INPP4B: variants seen among roughly 807,000 people sequenced by gnomAD.
INPP4B encodes inositol polyphosphate-4-phosphatase type II B.
Under a neutral mutation model 122.5 loss-of-function variants are expected in INPP4B, and 55 were observed. The observed-to-expected ratio is 0.45, with a 90% CI of 0.36 to 0.56. The LOEUF (loss-of-function observed/expected upper bound fraction) is 0.56, where lower values mean the gene tolerates loss of function less well. INPP4B is among the 20% of genes least tolerant of loss of function. The probability of loss-of-function intolerance (pLI) is 0.00; values close to 1 mark genes in which losing one functional copy is unlikely to be tolerated. For missense variants in INPP4B, 1,000 were observed against 1,097.7 expected (o/e 0.91, Z 1.26); for synonymous variants, 403 against 388.7 (o/e 1.04, Z -0.43).
intron 7 of INPP4B, among the ~76,000 whole-genome samples, chr4:142,386,089 GA>G (rs1795872199): frequency 6.6e-6 from 1 of 151,988 alleles, no homozygotes; most frequent in Admixed American, 6.6e-5. Flanking sequence ...CTATTTCTAT[GA>G]GTTCAACTTT....
At chr4:142,473,547 G>C (rs998470868) in intron 2 of INPP4B, 4 of 152,594 alleles carry the variant, frequency 2.6e-5, no homozygotes, top group African/African-American at 9.7e-5. Flanking sequence ...AGTGCAAGGG[G>C]AACTCTAAAA....
intron 1 of INPP4B, among the ~76,000 whole-genome samples, chr4:142,798,946 T>A (rs1777641688): frequency 6.6e-6 from 1 of 151,780 alleles, no homozygotes; most frequent in South Asian, 2.1e-4. Flanking sequence ...AAAGTGTTTA[T>A]AGGAGCAGTA....
chr4:142,682,438 AAAG>A (rs1457608776), intron 2 of INPP4B, among the ~76,000 whole-genome samples: 10 of 151,934 alleles, frequency 6.6e-5, no homozygotes, highest in African/African-American at 2.2e-4. Context: ...AAACTCTGAA[AAAG>A]AAGGGATATT....
chr4:142,727,010 G>C (rs753642815), intron 1 of INPP4B, among the ~76,000 whole-genome samples: 2 of 151,992 alleles, frequency 1.3e-5, no homozygotes, highest in African/African-American at 2.4e-5. Flanking sequence ...AACAAAAAAG[G>C]CTTACTATTC....
At chr4:142,658,877 G>T (rs1479917611) in intron 2 of INPP4B, among the ~76,000 whole-genome samples, 1 of 152,064 alleles carries the variant, frequency 6.6e-6, no homozygotes, top group Non-Finnish European at 1.5e-5. Flanking sequence ...ACCTTAAGAG[G>T]ACAGAAGCAC....
chr4:142,218,048 G>GTC (rs1848031192), intron 12 of INPP4B, among the ~76,000 whole-genome samples: 1 of 151,956 alleles, frequency 6.6e-6, no homozygotes, highest in Non-Finnish European at 1.5e-5. Flanking sequence ...GTGTGTGTGT[G>GTC]TGTGTGTGTG....
rs539341135 is a variant in INPP4B at position 142,436,235 on chromosome 4, T to A, written c.-126-4850A>T. On this transcript the variant is annotated intron_variant, in intron 3 of 25. Transcript: ENST00000262992. ...AACTCCAACAACTCCAGCCAGGTGC[T>A]CAGGGACAGAACTCTGATCTCCCTG... Among the ~76,000 whole-genome samples the A allele has an allele frequency of 4.1e-3, 621 of 152,218 alleles. 6 individuals carry two copies. The highest frequency in any genetic ancestry group is 0.014 in the African/African-American group (588 of 41,520).
At chr4:142,530,857 G>C (rs1827524658) in intron 2 of INPP4B, among the ~76,000 whole-genome samples, 1 of 152,014 alleles carries the variant, frequency 6.6e-6, no homozygotes, top group Non-Finnish European at 1.5e-5. Context: ...GTGGGCTAGG[G>C]AGCAGGGGAG....
intron 25 of INPP4B, among the ~76,000 whole-genome samples, chr4:142,069,981 A>AT (rs149307823): frequency 0.026 from 3,886 of 151,866 alleles, 183 homozygotes; most frequent in African/African-American, 0.089. Context: ...TCCCTAACTC[A>AT]TTTATGAGGC....
At chr4:142,810,748 T>C (rs1022664278) in intron 1 of INPP4B, among the ~76,000 whole-genome samples, 9 of 152,206 alleles carry the variant, frequency 5.9e-5, no homozygotes, top group Non-Finnish European at 1.2e-4. Flanking sequence ...ATAAGGCTGT[T>C]ATTAGTCTCA....
chr4:142,687,427 AG>A (rs1350253928), intron 2 of INPP4B, among the ~76,000 whole-genome samples: 1 of 152,020 alleles, frequency 6.6e-6, no homozygotes, highest in African/African-American at 2.4e-5. Context: ...AGAAATGCAA[AG>A]CACAAGCTCT....
chr4:142,732,345 TA>T (rs1374171582), intron 1 of INPP4B, among the ~76,000 whole-genome samples: 1 of 151,964 alleles, frequency 6.6e-6, no homozygotes, highest in East Asian at 1.9e-4. Context: ...ATTAATATTT[TA>T]AAATAAAAAT....
At chr4:142,257,709 TACAA>T (rs911621170) in intron 11 of INPP4B, among the ~76,000 whole-genome samples, 1 of 152,042 alleles carries the variant, frequency 6.6e-6, no homozygotes, top group Non-Finnish European at 1.5e-5. Flanking sequence ...TAAAAGAGGA[TACAA>T]ACAAATAGAA....
intron 2 of INPP4B, among the ~76,000 whole-genome samples, chr4:142,514,849 G>A (rs143002652): frequency 8.4e-4 from 113 of 134,012 alleles, no homozygotes; most frequent in African/African-American, 3.2e-3. Flanking sequence ...AGGCTGGAAT[G>A]CAGTGGCGCG....
At chr4:142,587,521 G>C (rs1736484727) in intron 2 of INPP4B, among the ~76,000 whole-genome samples, 1 of 152,018 alleles carries the variant, frequency 6.6e-6, no homozygotes, top group South Asian at 2.1e-4. Context: ...AAGAAGAAAT[G>C]ATACCAATTC....
At chr4:142,397,667 G>A (rs1320477872) in intron 7 of INPP4B, among the ~76,000 whole-genome samples, 6 of 151,616 alleles carry the variant, frequency 4.0e-5, no homozygotes, top group African/African-American at 1.5e-4. Flanking sequence ...TGAAACCCCC[G>A]TCTCTACTAA....
chr4:142,663,654 T>G (rs1238145407), intron 2 of INPP4B, among the ~76,000 whole-genome samples: 2 of 151,838 alleles, frequency 1.3e-5, no homozygotes, highest in East Asian at 1.9e-4. Context: ...TGCTAAGTAA[T>G]TATGTGTAAT....
chr4:142,573,161 G>A (rs781573868), intron 2 of INPP4B, among the ~76,000 whole-genome samples: 1 of 151,902 alleles, frequency 6.6e-6, no homozygotes, highest in African/African-American at 2.4e-5. Flanking sequence ...AGCTAAGGGG[G>A]AAAGTGCCAC....
intron 15 of INPP4B, among the ~76,000 whole-genome samples, chr4:142,191,113 G>C (rs1384013872): frequency 2.0e-5 from 3 of 152,068 alleles, no homozygotes; most frequent in Non-Finnish European, 4.4e-5. Context: ...TAATCACAAT[G>C]AAACACTCTA....
Sources: gnomAD v4.1 joint callset for allele counts (sites outside exome capture counted in the v4.1 genomes callset) on GRCh38, gnomAD v4.1.1 for gene constraint, MANE v1.5 for transcripts, NCBI Gene and HGNC (gene_info 2026-07-23, HGNC 2026-07-21) for gene names.